ENTHD1: variants seen among roughly 807,000 people sequenced by gnomAD.
ENTHD1 encodes the protein ENTH domain-containing protein 1.
ENTHD1 carries 23 observed loss-of-function variants against 39.1 expected under a neutral mutation model. The ratio of observed to expected loss-of-function variants is 0.59; its 90% CI spans 0.42 to 0.83. ENTHD1 has a LOEUF of 0.83. Among genes scored for constraint, ENTHD1 ranks in the 40% least tolerant of loss-of-function variants. The pLI, the probability that ENTHD1 is intolerant of heterozygous loss-of-function variation, is 0.00. For missense variants in ENTHD1, 624 were observed against 705.4 expected (o/e 0.88, Z 1.31); for synonymous variants, 230 against 258.2 (o/e 0.89, Z 1.05).
chr22:39,790,871 C>T (rs1214744826), intron 5 of ENTHD1, among the ~76,000 whole-genome samples: 1 of 152,174 alleles, frequency 6.6e-6, no homozygotes, highest in Non-Finnish European at 1.5e-5. Flanking sequence ...GGTAATAGCT[C>T]CTTCCTAAGA....
chr22:39,835,534 A>C (rs1354585979), intron 4 of ENTHD1, among the ~76,000 whole-genome samples: 1 of 152,156 alleles, frequency 6.6e-6, no homozygotes, highest in Non-Finnish European at 1.5e-5. Context: ...AAACTTTGAT[A>C]ATTTGACCTT....
chr22:39,769,217 A>G (rs1195596257), intron 5 of ENTHD1, among the ~76,000 whole-genome samples: 1 of 152,200 alleles, frequency 6.6e-6, no homozygotes, highest in Non-Finnish European at 1.5e-5. Context: ...ATGAATGAAC[A>G]TGAATATATT....
At chr22:39,774,598 C>A (rs1359071331) in intron 5 of ENTHD1, among the ~76,000 whole-genome samples, 2 of 152,166 alleles carry the variant, frequency 1.3e-5, no homozygotes, top group African/African-American at 2.4e-5. Context: ...TCTACACAGC[C>A]CAGCCAGAGT....
At chr22:39,769,629 G>T (rs570568195) in intron 5 of ENTHD1, among the ~76,000 whole-genome samples, 1 of 152,244 alleles carries the variant, frequency 6.6e-6, no homozygotes, top group African/African-American at 2.4e-5. Flanking sequence ...AGTGTAAATG[G>T]AACTGGTCAC....
intron 5 of ENTHD1, among the ~76,000 whole-genome samples, chr22:39,814,959 C>T (rs1039708656): frequency 1.3e-5 from 2 of 152,054 alleles, no homozygotes; most frequent in Non-Finnish European, 2.9e-5. Flanking sequence ...AGTGTAAAGA[C>T]AAGTCACAAA....
intron 2 of ENTHD1, among the ~76,000 whole-genome samples, chr22:39,878,652 T>C (rs1262537316): frequency 6.6e-6 from 1 of 152,126 alleles, no homozygotes; most frequent in Non-Finnish European, 1.5e-5. Context: ...TGAGGGAATT[T>C]GTGGCCAGTA....
intron 4 of ENTHD1, among the ~76,000 whole-genome samples, chr22:39,834,317 T>C (rs1001159260): frequency 2.0e-4 from 31 of 152,030 alleles, no homozygotes; most frequent in African/African-American, 7.5e-4. Context: ...AGAAAATGGA[T>C]AAAAGATGTG....
At position 39,815,397 on chromosome 22, in the gene ENTHD1, C is replaced by T. The variant is rs550853510; in HGVS notation, c.832+5596G>A. ...GGTAGAGGTTGCAGTGAGCCAAGAT[C>T]GTGCCATTGGACTCCAGCCTGGGCA... is the stretch of plus-strand genomic sequence containing the variant. On this transcript the variant is annotated intron_variant, in intron 5 of 6. Coordinates refer to ENST00000325157, the MANE Select transcript of ENTHD1 (RefSeq NM_152512.4). Among the ~76,000 whole-genome samples, 3 of 151,238 alleles carry T rather than the reference C, an allele frequency of 2.0e-5. No homozygotes were observed. In the South Asian group the frequency reaches 6.3e-4, roughly 32 times the overall value.
chr22:39,854,739 A>G (rs1244643616), intron 3 of ENTHD1, among the ~76,000 whole-genome samples: 2 of 152,202 alleles, frequency 1.3e-5, no homozygotes, highest in Non-Finnish European at 2.9e-5. Context: ...TGATGTGTAT[A>G]TAACACCTTC....
chr22:39,818,765 G>A (rs1420902352), intron 5 of ENTHD1, among the ~76,000 whole-genome samples: 1 of 152,092 alleles, frequency 6.6e-6, no homozygotes, highest in Non-Finnish European at 1.5e-5. Context: ...GATTAAGATG[G>A]GTCCAAGCCA....
chr22:39,753,405 A>T (rs1339132316), intron 6 of ENTHD1, among the ~76,000 whole-genome samples: 1 of 152,208 alleles, frequency 6.6e-6, no homozygotes, highest in Non-Finnish European at 1.5e-5. Context: ...TGTTCCAAGA[A>T]CAGAGTTATT....
At chr22:39,831,013 G>C (rs2065864336) in intron 4 of ENTHD1, among the ~76,000 whole-genome samples, 1 of 152,202 alleles carries the variant, frequency 6.6e-6, no homozygotes, top group Admixed American at 6.5e-5. Flanking sequence ...TGGACCTTTG[G>C]GGCTCTGGGT....
chr22:39,839,901 C>T (rs1362890738), intron 3 of ENTHD1, among the ~76,000 whole-genome samples: 1 of 152,074 alleles, frequency 6.6e-6, no homozygotes, highest in African/African-American at 2.4e-5. Flanking sequence ...TGCATTTTGG[C>T]CTAGAATAGC....
chr22:39,799,066 C>T (rs542421485), intron 5 of ENTHD1, among the ~76,000 whole-genome samples: 14 of 152,180 alleles, frequency 9.2e-5, no homozygotes, highest in East Asian at 3.9e-4. Flanking sequence ...TGCTAGGCCA[C>T]GCAGGCTTGT....
chr22:39,892,577 A>T (rs2066434860), intron 1 of ENTHD1, among the ~76,000 whole-genome samples: 1 of 152,274 alleles, frequency 6.6e-6, no homozygotes, highest in South Asian at 2.1e-4. Context: ...CCACCAAATG[A>T]GTTGGAGGAA....
intron 5 of ENTHD1, among the ~76,000 whole-genome samples, chr22:39,800,144 G>A (rs980229540): frequency 1.1e-4 from 16 of 152,204 alleles, no homozygotes; most frequent in African/African-American, 3.6e-4. Flanking sequence ...TACTAGGAAT[G>A]TTGGCCATGA....
chr22:39,836,667 C>T (rs185994456), intron 3 of ENTHD1, among the ~76,000 whole-genome samples: 116 of 152,262 alleles, frequency 7.6e-4, no homozygotes, highest in African/African-American at 2.7e-3. Context: ...TTTGTGTCCC[C>T]ACCCAAGTCT....
At chr22:39,761,370 T>G (rs1259951053) in intron 6 of ENTHD1, among the ~76,000 whole-genome samples, 1 of 152,228 alleles carries the variant, frequency 6.6e-6, no homozygotes, top group Non-Finnish European at 1.5e-5. Flanking sequence ...ATTTTGTCTC[T>G]GGAATTCAGC....
intron 5 of ENTHD1, among the ~76,000 whole-genome samples, chr22:39,792,855 C>T (rs1432524800): frequency 6.6e-6 from 1 of 152,110 alleles, no homozygotes; most frequent in Non-Finnish European, 1.5e-5. Context: ...TAGGTTGATT[C>T]CAAAGCTTTG....
Sources: allele counts gnomAD v4.1 joint callset (sites outside exome capture counted in the v4.1 genomes callset), GRCh38; gene constraint gnomAD v4.1.1; transcripts MANE v1.5; gene names NCBI Gene and HGNC (gene_info 2026-07-23, HGNC 2026-07-21).